P4HTM: variants seen among roughly 807,000 people sequenced by gnomAD.
P4HTM encodes prolyl 4-hydroxylase, transmembrane, also known as transmembrane prolyl 4-hydroxylase.
A neutral mutation model predicts 55.3 loss-of-function variants in P4HTM; 33 were observed. The observed-to-expected ratio is 0.60, with a 90% CI of 0.45 to 0.80. P4HTM has a LOEUF of 0.80. P4HTM is among the 30% of genes least tolerant of loss of function. The pLI, the probability that P4HTM is intolerant of heterozygous loss-of-function variation, is 0.00. For missense variants in P4HTM, 542 were observed against 696.5 expected (o/e 0.78, Z 2.50); for synonymous variants, 272 against 286.4 (o/e 0.95, Z 0.51).
chr3:49,002,652 G>A lies in P4HTM; in HGVS notation c.724+56G>A. Reference sequence around the variant, plus strand: ...CCGTGAGCCTCCTGCCCACTCCCAGGTGCACAATTTTGAAAACTTGGGCCC... The same window carrying A: ...CCGTGAGCCTCCTGCCCACTCCCAGATGCACAATTTTGAAAACTTGGGCCC... On this transcript the variant is annotated intron_variant, in intron 4 of 8. Transcript: ENST00000383729. The surrounding 1 kb of genome is among the most constrained non-coding windows in gnomAD (Gnocchi z 4.4). 1 of 1,395,728 alleles carries A rather than the reference G, an allele frequency of 7.2e-7. No individual in the cohort carries two copies. The highest frequency in any genetic ancestry group is 1.4e-5 in the African/African-American group (1 of 70,804). 86.5% of individuals were successfully genotyped at this position (1,395,728 alleles called of 1,614,324 possible). A position where few individuals can be genotyped will look rare whatever the true frequency, so the allele number is the denominator to read the frequency against.
chr3:48,990,987 C>G lies in P4HTM; in HGVS notation c.436+73C>G, dbSNP rs549952731. 124 of 1,112,216 alleles carry G rather than the reference C, an allele frequency of 1.1e-4. 1 individual carries two copies. The African/African-American group carries it at 1.6e-3, about 14-fold the overall frequency. The allele number at this position is 1,112,216 out of a possible 1,614,324, so 68.9% of individuals were successfully genotyped here. A position where few individuals can be genotyped will look rare whatever the true frequency, so the allele number is the denominator to read the frequency against. ...TGGCCACCTTGAGGCTCGTTGTGACCACGTGACCTCTATTTTGAAAATGGC... is the reference window on the plus strand; with the variant it reads ...TGGCCACCTTGAGGCTCGTTGTGACGACGTGACCTCTATTTTGAAAATGGC... On this transcript the variant is annotated intron_variant, in intron 2 of 8. Transcript: ENST00000383729. This position sits in a 1 kb window ranked among gnomAD's most constrained non-coding sequence, Gnocchi z 7.2.
intron 2 of P4HTM, chr3:48,991,157 T>C: frequency 4.0e-6 from 2 of 498,838 alleles, no homozygotes; most frequent in Admixed American, 6.7e-5. Flanking sequence ...GGCTGGTGTC[T>C]AAACGTTTCA....
At position 48,990,999 on chromosome 3, in the gene P4HTM, A is replaced by C. The variant is rs2092929746; in HGVS notation, c.436+85A>C. On this transcript the variant is annotated intron_variant, in intron 2 of 8. Coordinates refer to ENST00000383729, the MANE Select transcript of P4HTM (RefSeq NM_177939.3). The surrounding 1 kb of genome is among the most constrained non-coding windows in gnomAD (Gnocchi z 7.2). The stretch of plus-strand genomic sequence containing the variant: ...GGCTCGTTGTGACCACGTGACCTCT[A>C]TTTTGAAAATGGCTGCTTCAGAGCA... The C allele has an allele frequency of 9.9e-7, 1 of 1,005,650 alleles. No individual in the cohort carries two copies. The highest frequency in any genetic ancestry group is 1.6e-5 in the African/African-American group (1 of 62,258). 62.3% of individuals were successfully genotyped at this position (1,005,650 alleles called of 1,614,324 possible). A position where few individuals can be genotyped will look rare whatever the true frequency, so the allele number is the denominator to read the frequency against.
Position 48,990,733 on chromosome 3 carries a change from A to C in P4HTM, c.355-100A>C. 1 of 1,492,342 alleles carries C rather than the reference A, an allele frequency of 6.7e-7. No individual in the cohort carries two copies. Among genetic ancestry groups the C allele is most frequent in the Non-Finnish European group, 9.1e-7 (1 of 1,099,564 alleles). 92.4% of individuals were successfully genotyped at this position (1,492,342 alleles called of 1,614,324 possible). A position where few individuals can be genotyped will look rare whatever the true frequency, so the allele number is the denominator to read the frequency against. On this transcript the variant is annotated intron_variant, in intron 1 of 8. Transcript: ENST00000383729. This position sits in a 1 kb window ranked among gnomAD's most constrained non-coding sequence, Gnocchi z 7.2. ...CTCTGCGTCGGTCCCGCGCGCTCCC[A>C]CTCACTCGCCTGCTGTCGCTCTCCG... is the stretch of plus-strand genomic sequence containing the variant.
chr3:49,005,583 A>G, intron 6 of P4HTM, 194 bp from the exon 7 acceptor site: 3 of 1,400,292 alleles, frequency 2.1e-6, no homozygotes, highest in Non-Finnish European at 2.8e-6. Context: ...AAACCATTGC[A>G]ACTCACAGTA....
rs778876398 is a variant in P4HTM at position 49,006,118 on chromosome 3, G to A, written c.1219G>A (p.Gly407Arg). Residue 407 changes from glycine to arginine, a missense_variant, in exon 8 of 9, where the codon GGA becomes AGA. This residue lies in a region of P4HTM where 536 missense variants were observed against 672.1 expected (regional missense o/e 0.80). Coordinates refer to ENST00000383729, the MANE Select transcript of P4HTM (RefSeq NM_177939.3). ...LRDTRRHCDK[G>R]NLRVKPQQGT... ...TGACACACGGAGGCACTGTGACAAG[G>A]GAAACCTGCGTGTCAAGCCCCAACA... The A allele has an allele frequency of 1.9e-6, 3 of 1,612,878 alleles. No individual in the cohort carries two copies. Among genetic ancestry groups the A allele is most frequent in the African/African-American group, 1.3e-5 (1 of 74,916 alleles).
At chr3:48,994,395 C>T (rs2092939552) in intron 2 of P4HTM, among the ~76,000 whole-genome samples, 1 of 152,174 alleles carries the variant, frequency 6.6e-6, no homozygotes, top group African/African-American at 2.4e-5. Context: ...CAAGGTGCCT[C>T]CATCTCTGTA....
chr3:49,002,787 C>A lies in P4HTM; in HGVS notation c.724+191C>A. Reference sequence around the variant, plus strand: ...CTGGGAAGTAGGCAGGCAGCCAGGCCCCCCGTTCCCCTTGGTGATGGTCTC... The same window carrying A: ...CTGGGAAGTAGGCAGGCAGCCAGGCACCCCGTTCCCCTTGGTGATGGTCTC... On this transcript the variant is annotated intron_variant, in intron 4 of 8. Coordinates refer to ENST00000383729, the MANE Select transcript of P4HTM (RefSeq NM_177939.3). The surrounding 1 kb of genome is among the most constrained non-coding windows in gnomAD (Gnocchi z 4.4). The A allele has an allele frequency of 1.5e-6, 1 of 683,034 alleles. No individual in the cohort carries two copies. Among genetic ancestry groups the A allele is most frequent in the Non-Finnish European group, 2.7e-6 (1 of 372,748 alleles). The allele number at this position is 683,034 out of a possible 1,614,324, so 42.3% of individuals were successfully genotyped here.
chr3:48,990,596 C>A lies in P4HTM; in HGVS notation c.340C>A (p.Leu114Met). 6.3e-7 allele frequency: 1 copy of A among 1,593,352 alleles called. No homozygotes were observed. The highest frequency in any genetic ancestry group is 8.5e-7 in the Non-Finnish European group (1 of 1,170,626). The change falls in exon 1 of 9, where the codon CTG becomes ATG. Residue 114 changes from leucine to methionine, a missense_variant. Leu to Met is a conservative substitution (Grantham distance 15). This residue lies in a region of P4HTM where 536 missense variants were observed against 672.1 expected (regional missense o/e 0.80). Coordinates refer to ENST00000383729, the MANE Select transcript of P4HTM (RefSeq NM_177939.3). The surrounding 1 kb of genome is among the most constrained non-coding windows in gnomAD (Gnocchi z 7.2). Reference sequence around the variant, plus strand: ...GCCCACCTTAGGTCCCCTCACCCGGCTGGAGGGCATCAAGGTGAGGACCTC... The same window carrying A: ...GCCCACCTTAGGTCCCCTCACCCGGATGGAGGGCATCAAGGTGAGGACCTC... Reference protein sequence around the residue: ...PEPTLGPLTRLEGIKVGHERK... With the variant: ...PEPTLGPLTRMEGIKVGHERK...
At chr3:48,993,046 G>C (rs2092935286) in intron 2 of P4HTM, among the ~76,000 whole-genome samples, 1 of 152,056 alleles carries the variant, frequency 6.6e-6, no homozygotes, top group African/African-American at 2.4e-5. Flanking sequence ...GCTCACGCCT[G>C]TAATCCCAGA....
In P4HTM at chr3:49,006,891, C is replaced by A. The variant is rs140690812; in HGVS notation, c.1493C>A (p.Ala498Glu). Residue 498 changes from alanine (A) to glutamate (E), a missense_variant, in exon 9 of 9, where the codon GCG becomes GAG. Physicochemically the swap from Ala to Glu is moderately radical, Grantham distance 107. This residue lies in a region of P4HTM where 536 missense variants were observed against 672.1 expected (regional missense o/e 0.80). Coordinates refer to ENST00000383729, the MANE Select transcript of P4HTM (RefSeq NM_177939.3). ...GCTCTGGACCGGGCCTACCGCGATGCGCGCGTGGAACTCTGAGGGAAGAGT... is the reference window on the plus strand; with the variant it reads ...GCTCTGGACCGGGCCTACCGCGATGAGCGCGTGGAACTCTGAGGGAAGAGT... ...EWALDRAYRD[A>E]RVEL 48 of 1,611,830 alleles carry A rather than the reference C, an allele frequency of 3.0e-5. No homozygotes were observed. The highest frequency in any genetic ancestry group is 4.0e-5 in the Non-Finnish European group (47 of 1,179,346).
chr3:49,004,689 T>A, intron 5 of P4HTM, 172 bp from the exon 6 acceptor site: 2 of 651,578 alleles, frequency 3.1e-6, no homozygotes, highest in South Asian at 3.7e-5. Flanking sequence ...AGAAGGATCA[T>A]CATGAGTAAC....
chr3:48,990,232 T>G (rs1053681306), upstream of P4HTM: 361 of 1,171,530 alleles, frequency 3.1e-4, no homozygotes, highest in South Asian at 1.1e-3. This position sits in a 1 kb window ranked among gnomAD's most constrained non-coding sequence, Gnocchi z 7.2. Context: ...GCCCCTCCCC[T>G]GGGCGCGCGC....
chr3:48,990,857 C>G lies in P4HTM; in HGVS notation c.379C>G (p.Leu127Val). The G allele has an allele frequency of 6.2e-7, 1 of 1,613,992 alleles. No homozygotes were observed. The highest frequency in any genetic ancestry group is 1.1e-5 in the South Asian group (1 of 91,086). The change falls in exon 2 of 9, where the codon CTG (leucine) becomes GTG (valine). Residue 127 changes from leucine (L) to valine (V), a missense_variant. Around this residue, in one of 2 missense-constraint regions of P4HTM, gnomAD observed 536 missense variants for 672.1 expected, o/e 0.80. Coordinates refer to ENST00000383729, the MANE Select transcript of P4HTM (RefSeq NM_177939.3). This position sits in a 1 kb window ranked among gnomAD's most constrained non-coding sequence, Gnocchi z 7.2. ...IKVGHERKVQ[L>V]VTDRDHFIRT... The stretch of plus-strand genomic sequence containing the variant: ...GGTGGGGCACGAGCGTAAGGTCCAG[C>G]TGGTCACCGACAGGGATCACTTCAT...
At chr3:48,996,263 G>A (rs2092945273) in intron 2 of P4HTM, 1 of 152,172 alleles carries the variant, frequency 6.6e-6, no homozygotes, top group African/African-American at 2.4e-5. Context: ...TCAGTTCAAG[G>A]TTGTTGTTTT....
chr3:49,006,986 T>C lies in P4HTM; in HGVS notation c.*79T>C. ...GGGTCCGGCTGTCCTTCTGTCCTGC[T>C]GCAGACTAAAGGTCTGGCCAATGTC... On this transcript the variant is annotated 3_prime_UTR_variant, in exon 9 of 9. Transcript: ENST00000383729. 1 of 1,204,764 alleles carries C rather than the reference T, an allele frequency of 8.3e-7. No individual in the cohort carries two copies. Among genetic ancestry groups the C allele is most frequent in the Admixed American group, 2.0e-5 (1 of 49,682 alleles). The allele number at this position is 1,204,764 out of a possible 1,614,324, so 74.6% of individuals were successfully genotyped here. A position where few individuals can be genotyped will look rare whatever the true frequency, so the allele number is the denominator to read the frequency against.
rs368732856 is a variant in P4HTM, at chr3:49,006,093, T to A, written c.1194T>A (p.Arg398=). ...MSLIQDDVDL[R]DTRRHCDKGN... ...TGATTCAGGATGACGTGGACCTCCG[T>A]GACACACGGAGGCACTGTGACAAGG... Residue 398 remains arginine (R), a synonymous_variant, in exon 8 of 9, where the codon CGT becomes CGA. Coordinates refer to ENST00000383729, the MANE Select transcript of P4HTM (RefSeq NM_177939.3). The A allele has an allele frequency of 1.7e-5, 27 of 1,612,798 alleles. No individual in the cohort carries two copies. The highest frequency in any genetic ancestry group is 3.3e-5 in the Admixed American group (2 of 60,002).
At chr3:48,998,339 G>C (rs2092951877) in intron 2 of P4HTM, 1 of 152,396 alleles carries the variant, frequency 6.6e-6, no homozygotes, top group South Asian at 2.1e-4. Flanking sequence ...ACAGGCTGTA[G>C]GAGGGGTAGA....
chr3:48,994,027 A>G (rs1380443491), intron 2 of P4HTM, among the ~76,000 whole-genome samples: 2 of 152,194 alleles, frequency 1.3e-5, no homozygotes, highest in African/African-American at 2.4e-5. Context: ...TAACCAAGAG[A>G]TTGCAATCAA....
Sources: allele counts gnomAD v4.1 joint callset (sites outside exome capture counted in the v4.1 genomes callset), GRCh38; gene constraint gnomAD v4.1.1; regional missense constraint gnomAD v4.1.1; non-coding constraint Gnocchi (gnomAD v3.1); transcripts MANE v1.5; gene names NCBI Gene and HGNC (gene_info 2026-07-23, HGNC 2026-07-21).